Variants in TBX21 observed in about 807,000 individuals in gnomAD.
TBX21 encodes the protein T-box transcription factor TBX21.
TBX21 carries 11 observed loss-of-function variants against 52.2 expected under a neutral mutation model. The observed-to-expected ratio is 0.21, with a 90% CI of 0.13 to 0.35. The LOEUF is 0.35. TBX21 is among the 10% of genes least tolerant of loss of function. The pLI, the probability that TBX21 is intolerant of heterozygous loss-of-function variation, is 1.00. For synonymous variants in TBX21, 300 were observed against 316.1 expected, an observed-to-expected ratio of 0.95 and a Z score of 0.54; for missense variants, 625 against 755.1, an observed-to-expected ratio of 0.83 and a Z score of 2.02.
At chr17:47,743,902 A>C (rs2032297046) in intron 3 of TBX21, among the ~76,000 whole-genome samples, 1 of 151,162 alleles carries the variant, frequency 6.6e-6, no homozygotes, top group South Asian at 2.1e-4. Flanking sequence ...AAAAGAAAAA[A>C]GAAAAAAGAA....
chr17:47,744,620 T>TG, intron 5 of TBX21, 77 bp downstream of exon 5: 3 of 1,607,388 alleles, frequency 1.9e-6, no homozygotes, highest in Non-Finnish European at 1.7e-6. Flanking sequence ...AACAGGAGGG[T>TG]GGGGGACAGA....
chr17:47,739,746 A>G (rs556760871), intron 1 of TBX21, among the ~76,000 whole-genome samples: 3 of 148,528 alleles, frequency 2.0e-5, no homozygotes, highest in East Asian at 4.0e-4. Context: ...TGGGCAACAG[A>G]GCGAGACTCC....
rs750068470 is a variant in TBX21, at chr17:47,733,781, C to T, written c.327C>T (p.Ala109=). ...AEGYQPGEGY[A]APDPRAGLYP... ...GCTACCAGCCGGGCGAGGGCTACGCCGCCCCGGACCCGCGCGCCGGGCTCT... is the reference window on the plus strand; with the variant it reads ...GCTACCAGCCGGGCGAGGGCTACGCTGCCCCGGACCCGCGCGCCGGGCTCT... The change falls in exon 1 of 6, where the codon GCC becomes GCT. Residue 109 remains alanine (A), a synonymous_variant. Coordinates refer to ENST00000177694, the MANE Select transcript of TBX21 (RefSeq NM_013351.2). This position sits in a 1 kb window ranked among gnomAD's most constrained non-coding sequence, Gnocchi z 6.6. 1.1e-4 allele frequency: 176 copies of T among 1,544,514 alleles called. 1 individual carries two copies. Among genetic ancestry groups the T allele is most frequent in the Middle Eastern group, 5.2e-4 (3 of 5,734 alleles).
At chr17:47,744,062 G>A in intron 3 of TBX21, 133 bp from the exon 4 acceptor site, 1 of 1,152,544 alleles carries the variant, frequency 8.7e-7, no homozygotes, top group Non-Finnish European at 1.2e-6. Flanking sequence ...GTTACATGGT[G>A]GCAGAGCAGG....
intron 1 of TBX21, among the ~76,000 whole-genome samples, chr17:47,734,610 TATGTGTGTGTGG>T (rs57781320): frequency 4.6e-3 from 312 of 68,106 alleles, no homozygotes; most frequent in Middle Eastern, 0.016. Flanking sequence ...TGTGTGTGTG[TATGTGTGTGTGG>T]GTGTGTGTGT....
Position 47,733,701 on chromosome 17 carries a change from G to A in TBX21, c.247G>A (p.Ala83Thr). 1 of 1,420,390 alleles carries A rather than the reference G, an allele frequency of 7.0e-7. No individual in the cohort carries two copies. The highest frequency in any genetic ancestry group is 9.2e-7 in the Non-Finnish European group (1 of 1,088,058). The allele number at this position is 1,420,390 out of a possible 1,614,324, so 88.0% of individuals were successfully genotyped here. The change falls in exon 1 of 6, where the codon GCG (alanine) becomes ACG (threonine). Residue 83 changes from alanine to threonine, a missense_variant. Physicochemically the swap from Ala to Thr is moderately conservative, Grantham distance 58 (BLOSUM62 0). Around this residue, in one of 4 missense-constraint regions of TBX21, gnomAD observed 221 missense variants for 204.9 expected, o/e 1.08. Transcript: ENST00000177694. This position sits in a 1 kb window ranked among gnomAD's most constrained non-coding sequence, Gnocchi z 6.6. ...CTACGCCTACCCGCCGCGACCCCAGGCGGCCGGCTTCCCCGGCGCGGGCGA... is the reference window on the plus strand; with the variant it reads ...CTACGCCTACCCGCCGCGACCCCAGACGGCCGGCTTCCCCGGCGCGGGCGA... ...GAYAYPPRPQ[A>T]AGFPGAGESF... is the part of the protein sequence containing the mutation.
intron 1 of TBX21, among the ~76,000 whole-genome samples, chr17:47,739,276 C>T (rs1163047165): frequency 6.6e-6 from 1 of 152,188 alleles, no homozygotes; most frequent in African/African-American, 2.4e-5. Flanking sequence ...CCTTTCTCTT[C>T]TCCCTTTTCC....
chr17:47,745,419 C>T lies in TBX21; in HGVS notation c.*53C>T, dbSNP rs891967543. On this transcript the variant is annotated 3_prime_UTR_variant, in exon 6 of 6. Coordinates refer to ENST00000177694, the MANE Select transcript of TBX21 (RefSeq NM_013351.2). Reference sequence around the variant, plus strand: ...ACAGTGTTATTAGGTTGGAGGACACCGACTAATTTGGGAAACGGATGAAGG... The same window carrying T: ...ACAGTGTTATTAGGTTGGAGGACACTGACTAATTTGGGAAACGGATGAAGG... The T allele has an allele frequency of 1.1e-5, 17 of 1,524,116 alleles. No individual in the cohort carries two copies. The highest frequency in any genetic ancestry group is 2.8e-5 in the African/African-American group (2 of 72,136). 94.4% of individuals were successfully genotyped at this position (1,524,116 alleles called of 1,614,324 possible).
Position 47,744,056 on chromosome 17 carries a change from C to T in TBX21, c.769-139C>T, listed in dbSNP as rs1158505617. ...GAGTTGGAAAGCTTGGGGGAAGTTA[C>T]ATGGTGGCAGAGCAGGGGAATGGAC... On this transcript the variant is annotated intron_variant, in intron 3 of 5. Transcript: ENST00000177694. The T allele has an allele frequency of 3.6e-6, 4 of 1,107,500 alleles. No individual in the cohort carries two copies. In the East Asian group the frequency reaches 1.0e-4, roughly 28 times the overall value. The allele number at this position is 1,107,500 out of a possible 1,614,324, so 68.6% of individuals were successfully genotyped here. A position where few individuals can be genotyped will look rare whatever the true frequency, so the allele number is the denominator to read the frequency against.
Position 47,745,485 on chromosome 17 carries a change from G to GGGCCCTTCTC in TBX21, c.*119_*120insGGCCCTTCTC. 6 of 1,417,202 alleles carry GGGCCCTTCTC rather than the reference G, an allele frequency of 4.2e-6. No individual in the cohort carries two copies. Among genetic ancestry groups the GGGCCCTTCTC allele is most frequent in the Non-Finnish European group, 4.7e-6 (5 of 1,065,742 alleles). The allele number at this position is 1,417,202 out of a possible 1,614,324, so 87.8% of individuals were successfully genotyped here. The stretch of plus-strand genomic sequence containing the variant: ...GCTCCCTCTGGCCCTTCTCTGTTTA[G>GGGCCCTTCTC]TAGTTGGTTGGGGAAGTGGGGCTCA... On this transcript the variant is annotated 3_prime_UTR_variant, in exon 6 of 6. Transcript: ENST00000177694.
At position 47,733,385 on chromosome 17, in the gene TBX21, C is replaced by A. The variant is rs2032161507; in HGVS notation, c.-70C>A. 3 of 1,400,420 alleles carry A rather than the reference C, an allele frequency of 2.1e-6. No homozygotes were observed. The highest frequency in any genetic ancestry group is 2.8e-6 in the Non-Finnish European group (3 of 1,083,554). The allele number at this position is 1,400,420 out of a possible 1,614,324, so 86.7% of individuals were successfully genotyped here. A position where few individuals can be genotyped will look rare whatever the true frequency, so the allele number is the denominator to read the frequency against. On this transcript the variant is annotated 5_prime_UTR_variant, in exon 1 of 6. Transcript: ENST00000177694. This position sits in a 1 kb window ranked among gnomAD's most constrained non-coding sequence, Gnocchi z 6.6. ...GCCCCCTGCTCCCTGCCCATCCCAG[C>A]CCACGCGACCCTCTCGCGCGCGGAG...
rs1313741613 is a variant in TBX21, at chr17:47,733,720, C to A, written c.266C>A (p.Ala89Glu). 1.4e-6 allele frequency: 2 copies of A among 1,416,320 alleles called. No individual in the cohort carries two copies. The highest frequency in any genetic ancestry group is 9.2e-7 in the Non-Finnish European group (1 of 1,087,110). 87.7% of individuals were successfully genotyped at this position (1,416,320 alleles called of 1,614,324 possible). The part of the protein sequence containing the change: ...PRPQAAGFPG[A>E]GESFPPPADA... Reference sequence around the variant, plus strand: ...CCCCAGGCGGCCGGCTTCCCCGGCGCGGGCGAGTCCTTCCCGCCGCCCGCG... The same window carrying A: ...CCCCAGGCGGCCGGCTTCCCCGGCGAGGGCGAGTCCTTCCCGCCGCCCGCG... Residue 89 changes from alanine (A) to glutamate (E), a missense_variant, in exon 1 of 6, where the codon GCG becomes GAG. Coordinates refer to ENST00000177694, the MANE Select transcript of TBX21 (RefSeq NM_013351.2). This position sits in a 1 kb window ranked among gnomAD's most constrained non-coding sequence, Gnocchi z 6.6.
In TBX21 at chr17:47,742,966, C is replaced by T; in HGVS notation, c.647-105C>T. ...AGTCCTCTGCCCTTCCCTGCCTGGT[C>T]CTCCCCCTGTGTCCTTCCTTACGTC... On this transcript the variant is annotated intron_variant, in intron 2 of 5. Transcript: ENST00000177694. This position sits in a 1 kb window ranked among gnomAD's most constrained non-coding sequence, Gnocchi z 4.4. The T allele has an allele frequency of 6.5e-7, 1 of 1,545,278 alleles. No homozygotes were observed. Among genetic ancestry groups the T allele is most frequent in the Non-Finnish European group, 8.7e-7 (1 of 1,148,624 alleles).
At chr17:47,744,424 G>C in intron 4 of TBX21, 58 bp from the exon 5 acceptor site, 1 of 1,614,000 alleles carries the variant, frequency 6.2e-7, no homozygotes, top group South Asian at 1.1e-5. Flanking sequence ...GGAGGGATTT[G>C]GAAAGTTCCC....
chr17:47,745,681 T>G lies in TBX21; in HGVS notation c.*315T>G. The G allele has an allele frequency of 3.5e-6, 1 of 285,756 alleles. No homozygotes were observed. The highest frequency in any genetic ancestry group is 6.5e-6 in the Non-Finnish European group (1 of 153,298). The allele number at this position is 285,756 out of a possible 1,614,324, so 17.7% of individuals were successfully genotyped here. A position where few individuals can be genotyped will look rare whatever the true frequency, so the allele number is the denominator to read the frequency against. On this transcript the variant is annotated 3_prime_UTR_variant, in exon 6 of 6. Transcript: ENST00000177694. The stretch of plus-strand genomic sequence containing the variant: ...AAGAAAGTCTTGGGCATGAAGGAGC[T>G]TTTTGCATCTAGTGGGTGGGAGGGG...
At chr17:47,739,384 G>A (rs146203414) in intron 1 of TBX21, among the ~76,000 whole-genome samples, 286 of 151,898 alleles carry the variant, frequency 1.9e-3, no homozygotes, top group South Asian at 3.5e-3. Flanking sequence ...CGGGTGACTC[G>A]GGAGGCCAAG....
Position 47,744,631 on chromosome 17 carries a change from T to C in TBX21, c.989+88T>C, listed in dbSNP as rs1455012945. 1.1e-5 allele frequency: 17 copies of C among 1,605,380 alleles called. No homozygotes were observed. In the East Asian group the frequency reaches 3.6e-4, roughly 34 times the overall value. Reference sequence around the variant, plus strand: ...TGAAAACAGGAGGGTGGGGGACAGATGCTACAGGTGGGCAGGCCAGGGAAG... The same window carrying C: ...TGAAAACAGGAGGGTGGGGGACAGACGCTACAGGTGGGCAGGCCAGGGAAG... On this transcript the variant is annotated intron_variant, in intron 5 of 5. Coordinates refer to ENST00000177694, the MANE Select transcript of TBX21 (RefSeq NM_013351.2).
chr17:47,734,373 C>T (rs1181642886), intron 1 of TBX21, among the ~76,000 whole-genome samples: 1 of 151,968 alleles, frequency 6.6e-6, no homozygotes, highest in Non-Finnish European at 1.5e-5. Context: ...TATCTCCGGG[C>T]CCCCTGCGCC....
intron 1 of TBX21, among the ~76,000 whole-genome samples, chr17:47,739,893 A>G (rs1277589288): frequency 6.6e-6 from 1 of 151,760 alleles, no homozygotes; most frequent in Non-Finnish European, 1.5e-5. Flanking sequence ...GGACAGAGCG[A>G]GACTCTGTCT....
Sources: gnomAD v4.1 joint callset for allele counts (sites outside exome capture counted in the v4.1 genomes callset) on GRCh38, gnomAD v4.1.1 for gene constraint, gnomAD v4.1.1 regional missense constraint, Gnocchi (gnomAD v3.1) non-coding constraint, MANE v1.5 for transcripts, NCBI Gene and HGNC (gene_info 2026-07-23, HGNC 2026-07-21) for gene names.